Variants in CDKL3 observed in about 807,000 individuals in gnomAD.
CDKL3 encodes the protein cyclin dependent kinase like 3, also known as cyclin-dependent kinase-like 3.
CDKL3 carries 65 observed loss-of-function variants against 69.3 expected under a neutral mutation model. The observed-to-expected ratio is 0.94, with a 90% CI of 0.77 to 1.15. The LOEUF (loss-of-function observed/expected upper bound fraction) is 1.15. Among genes scored for constraint, CDKL3 ranks in the 50% most tolerant of loss-of-function variants. The pLI is 0.00. For synonymous variants in CDKL3, 202 were observed against 221.6 expected (o/e 0.91, Z 0.79); for missense variants, 652 against 689.2 (o/e 0.95, Z 0.61).
At chr5:134,339,904 C>T (rs1011034240) in intron 4 of CDKL3, among the ~76,000 whole-genome samples, 22 of 152,020 alleles carry the variant, frequency 1.4e-4, no homozygotes, top group South Asian at 2.1e-4. Flanking sequence ...AATCTCAAAA[C>T]TATGGGAAGC....
chr5:134,287,538 G>A (rs1048103435), intron 8 of CDKL3, among the ~76,000 whole-genome samples: 6 of 152,156 alleles, frequency 3.9e-5, no homozygotes, highest in African/African-American at 1.2e-4. Context: ...ATCATCACAT[G>A]GATGCTACCC....
At chr5:134,361,958 T>C (rs1756140698) in intron 2 of CDKL3, among the ~76,000 whole-genome samples, 1 of 152,214 alleles carries the variant, frequency 6.6e-6, no homozygotes, top group East Asian at 1.9e-4. Context: ...TTAAGGAAAA[T>C]TACTGGTTTC....
At chr5:134,371,129 G>C (rs1758358602), upstream of CDKL3, 1 of 236,498 alleles carries the variant, frequency 4.2e-6, no homozygotes, top group East Asian at 1.3e-4. Context: ...GGGCAGTCAC[G>C]TGATCTTACA....
At chr5:134,334,282 A>G (rs1776520220) in intron 4 of CDKL3, among the ~76,000 whole-genome samples, 1 of 151,984 alleles carries the variant, frequency 6.6e-6, no homozygotes, top group Non-Finnish European at 1.5e-5. Flanking sequence ...TTTTTTTTGA[A>G]GGGCTTTTTG....
At chr5:134,304,370 CATCATA>C (rs1228124865) in intron 11 of CDKL3, 29 bp downstream of exon 11, 1 of 1,485,954 alleles carries the variant, frequency 6.7e-7, no homozygotes, top group Non-Finnish European at 9.1e-7. Flanking sequence ...TAAATGATAT[CATCATA>C]ATTGTAAAGC....
intron 4 of CDKL3, among the ~76,000 whole-genome samples, chr5:134,326,815 GTGTATATATATATATATA>G (rs1332833194): frequency 2.1e-4 from 17 of 81,522 alleles, no homozygotes; most frequent in South Asian, 8.8e-4. Context: ...ATATATGTGT[GTGTATATATATATATATA>G]TATATATATA....
intron 11 of CDKL3, among the ~76,000 whole-genome samples, chr5:134,303,122 C>G (rs1344128118): frequency 6.6e-6 from 1 of 150,998 alleles, no homozygotes; most frequent in Admixed American, 6.6e-5. Flanking sequence ...GATGGAGTCT[C>G]ACTCTGTCAC....
chr5:134,312,350 T>C lies in CDKL3; in HGVS notation c.823A>G (p.Ile275Val). 6.3e-7 allele frequency: 1 copy of C among 1,599,880 alleles called. No individual in the cohort carries two copies. The highest frequency in any genetic ancestry group is 1.1e-5 in the South Asian group (1 of 87,358). The stretch of plus-strand genomic sequence containing the variant: ...TGATGCAAAAGATCACTAGATGATA[T>C]CCTGTCAGCAGGATCAATTTGTAAA... ...ACLQIDPADR[I>V]SSSDLLHHEY... Residue 275 changes from isoleucine (I) to valine (V), a missense_variant, in exon 7 of 13, where the codon ATA becomes GTA. Physicochemically the swap from Ile to Val is conservative, Grantham distance 29. Transcript: ENST00000265334.
intron 4 of CDKL3, among the ~76,000 whole-genome samples, chr5:134,347,697 T>TA (rs1175296441): frequency 0.14 from 7,504 of 52,708 alleles, 476 homozygotes; most frequent in African/African-American, 0.19. Flanking sequence ...CCATCTCTGC[T>TA]AAAAAAAAAA....
chr5:134,309,736 T>C (rs1768883309), intron 7 of CDKL3, among the ~76,000 whole-genome samples: 1 of 152,178 alleles, frequency 6.6e-6, no homozygotes, highest in African/African-American at 2.4e-5. Flanking sequence ...TCAAGGTACT[T>C]TCACCCCACA....
chr5:134,366,273 CGT>C (rs779569529), intron 2 of CDKL3, 84 bp downstream of exon 2: 19 of 864,634 alleles, frequency 2.2e-5, no homozygotes, highest in Non-Finnish European at 3.0e-5. Flanking sequence ...TGAATCAGTA[CGT>C]GTGAACTAAA....
chr5:134,365,272 C>T (rs1282632060), intron 2 of CDKL3, among the ~76,000 whole-genome samples: 1 of 152,046 alleles, frequency 6.6e-6, no homozygotes, highest in Non-Finnish European at 1.5e-5. Flanking sequence ...CCACCGCACC[C>T]GGCCTTAATT....
chr5:134,315,556 A>G (rs1368104371), intron 6 of CDKL3, among the ~76,000 whole-genome samples: 1 of 152,036 alleles, frequency 6.6e-6, no homozygotes, highest in Non-Finnish European at 1.5e-5. Context: ...TGGGTCTGGA[A>G]CACGTGGCCT....
chr5:134,294,434 T>A (rs548536604), downstream of CDKL3, among the ~76,000 whole-genome samples: 1 of 152,256 alleles, frequency 6.6e-6, no homozygotes, highest in African/African-American at 2.4e-5. Flanking sequence ...TTCCCTCTGC[T>A]ACAGGAAAAA....
chr5:134,371,338 G>A (rs1246885242), upstream of CDKL3: 3 of 588,992 alleles, frequency 5.1e-6, no homozygotes, highest in Admixed American at 6.1e-5. Context: ...ACCGCGCCCC[G>A]CTGAAGGGCT....
chr5:134,289,250 A>G (rs2149403653), intron 8 of CDKL3, among the ~76,000 whole-genome samples: 1 of 152,110 alleles, frequency 6.6e-6, no homozygotes, highest in South Asian at 2.1e-4. Flanking sequence ...ATATTCTGAT[A>G]CCATCACATT....
At chr5:134,321,005 C>CTTTTT (rs1047803739) in intron 5 of CDKL3, among the ~76,000 whole-genome samples, 7 of 123,576 alleles carry the variant, frequency 5.7e-5, no homozygotes, top group South Asian at 2.5e-4. Context: ...CAAACATATT[C>CTTTTT]TTTTTTTTTT....
chr5:134,336,772 C>G (rs946841825), intron 4 of CDKL3, among the ~76,000 whole-genome samples: 3 of 152,176 alleles, frequency 2.0e-5, no homozygotes, highest in Non-Finnish European at 4.4e-5. Context: ...CCCAGTCAGG[C>G]TACATGGGGG....
upstream of CDKL3, among the ~76,000 whole-genome samples, chr5:134,370,157 G>A (rs1219005755): frequency 6.6e-6 from 1 of 152,156 alleles, no homozygotes; most frequent in East Asian, 1.9e-4. Flanking sequence ...GCAAGGCTGA[G>A]GCAATGTTAA....
Sources: allele counts gnomAD v4.1 joint callset (sites outside exome capture counted in the v4.1 genomes callset), GRCh38; gene constraint gnomAD v4.1.1; transcripts MANE v1.5; gene names NCBI Gene and HGNC (gene_info 2026-07-23, HGNC 2026-07-21).